The following ASTN1 variants were observed in gnomAD, a reference collection of about 807,000 sequenced individuals.
The protein encoded by ASTN1 is astrotactin-1.
In ASTN1, 41 loss-of-function variants were observed where a neutral mutation model predicts 140.7. The ratio of observed to expected loss-of-function variants is 0.29; its 90% confidence interval spans 0.23 to 0.38. The LOEUF (loss-of-function observed/expected upper bound fraction) is 0.38, where lower values mean the gene tolerates loss of function less well. Among genes scored for constraint, ASTN1 ranks in the 10% least tolerant of loss-of-function variants. The probability of loss-of-function intolerance (pLI) is 1.00; values close to 1 mark genes in which losing one functional copy is unlikely to be tolerated. For missense variants in ASTN1, 1,479 were observed against 1,678.8 expected (o/e 0.88, Z 2.08); for synonymous variants, 640 against 652.2 (o/e 0.98, Z 0.29).
intron 1 of ASTN1, among the ~76,000 whole-genome samples, chr1:177,074,519 G>C (rs112001371): frequency 2.8e-4 from 43 of 152,262 alleles, no homozygotes; most frequent in African/African-American, 1.0e-3. Context: ...GATTCCCACT[G>C]TTACCATGTC....
At chr1:177,062,602 C>A (rs2102036347) in intron 1 of ASTN1, among the ~76,000 whole-genome samples, 1 of 149,362 alleles carries the variant, frequency 6.7e-6, no homozygotes, top group South Asian at 2.1e-4. Context: ...TAACTTTGGC[C>A]AAAAAATAAT....
intron 16 of ASTN1, among the ~76,000 whole-genome samples, chr1:176,920,134 G>A (rs1670666754): frequency 6.6e-6 from 1 of 152,196 alleles, no homozygotes; most frequent in Admixed American, 6.5e-5. Context: ...TTCTAAATGA[G>A]TGGAATGGTG....
chr1:176,911,570 G>C (rs1422247594), intron 16 of ASTN1, among the ~76,000 whole-genome samples: 1 of 149,048 alleles, frequency 6.7e-6, no homozygotes, highest in Non-Finnish European at 1.5e-5. Flanking sequence ...AAACTTTTTT[G>C]TTAAAAACGA....
At chr1:177,012,997 A>G (rs1405890657) in intron 8 of ASTN1, among the ~76,000 whole-genome samples, 2 of 152,218 alleles carry the variant, frequency 1.3e-5, no homozygotes, top group Non-Finnish European at 2.9e-5. Flanking sequence ...CCCAGAAACT[A>G]TGCAAACATT....
At chr1:176,864,669 G>T in intron 22 of ASTN1, 148 bp from the exon 23 acceptor site, 1 of 1,110,406 alleles carries the variant, frequency 9.0e-7, no homozygotes, top group Non-Finnish European at 1.2e-6. Context: ...TTGGAACAGT[G>T]AGTCCTCCAA....
intron 1 of ASTN1, among the ~76,000 whole-genome samples, chr1:177,128,115 C>T (rs538997748): frequency 4.9e-4 from 75 of 152,228 alleles, no homozygotes; most frequent in African/African-American, 1.7e-3. Context: ...AGGTTATTCA[C>T]ATAATTTTCT....
chr1:176,895,353 A>ACTTTAAC (rs1669460284), intron 16 of ASTN1, among the ~76,000 whole-genome samples: 1 of 152,234 alleles, frequency 6.6e-6, no homozygotes, highest in South Asian at 2.1e-4. Context: ...TTCAAGGTCT[A>ACTTTAAC]CTTTAACCTT....
intron 9 of ASTN1, among the ~76,000 whole-genome samples, chr1:176,960,755 G>A (rs569171001): frequency 3.4e-4 from 51 of 152,062 alleles, no homozygotes; most frequent in Non-Finnish European, 6.6e-4. Flanking sequence ...TCCTAAAGTT[G>A]TCCCGATTTT....
intron 1 of ASTN1, among the ~76,000 whole-genome samples, chr1:177,131,006 C>G (rs1681912824): frequency 6.6e-6 from 1 of 152,190 alleles, no homozygotes; most frequent in Non-Finnish European, 1.5e-5. Flanking sequence ...TTTCACTCTT[C>G]AAATCCTATT....
intron 21 of ASTN1, among the ~76,000 whole-genome samples, chr1:176,873,942 C>A (rs1261578399): frequency 6.6e-6 from 1 of 152,110 alleles, no homozygotes; most frequent in Non-Finnish European, 1.5e-5. Context: ...AGCAAACTTC[C>A]CTATATGGGC....
chr1:176,887,187 G>T (rs1419277612), intron 18 of ASTN1, among the ~76,000 whole-genome samples: 1 of 152,072 alleles, frequency 6.6e-6, no homozygotes, highest in Non-Finnish European at 1.5e-5. Context: ...CCATTTCTCT[G>T]GGGTTGACTG....
intron 16 of ASTN1, among the ~76,000 whole-genome samples, chr1:176,904,603 G>C (rs1049093723): frequency 7.2e-5 from 11 of 152,166 alleles, no homozygotes; most frequent in African/African-American, 2.7e-4. Context: ...TGCCAGGAAA[G>C]AGCCTCCCGT....
chr1:177,117,477 TG>T (rs1248025464), intron 1 of ASTN1, among the ~76,000 whole-genome samples: 1 of 152,052 alleles, frequency 6.6e-6, no homozygotes, highest in Non-Finnish European at 1.5e-5. Context: ...GTTGAGCTCT[TG>T]GGGTATATAA....
intron 16 of ASTN1, among the ~76,000 whole-genome samples, chr1:176,903,749 C>G (rs1463294069): frequency 1.3e-5 from 2 of 152,148 alleles, no homozygotes; most frequent in Non-Finnish European, 2.9e-5. Flanking sequence ...TATAACAAAC[C>G]GTCAGCAATT....
At chr1:177,019,645 T>C (rs1441889957) in intron 7 of ASTN1, among the ~76,000 whole-genome samples, 3 of 152,144 alleles carry the variant, frequency 2.0e-5, no homozygotes, top group Non-Finnish European at 4.4e-5. Context: ...TAGTGCTGAG[T>C]ATATCCCATG....
At chr1:177,125,529 T>C (rs539011407) in intron 1 of ASTN1, among the ~76,000 whole-genome samples, 1 of 152,200 alleles carries the variant, frequency 6.6e-6, no homozygotes, top group Non-Finnish European at 1.5e-5. Context: ...AAAATTCTGA[T>C]GCATCCTTCA....
At position 177,070,028 on chromosome 1, in the gene ASTN1, G is replaced by A. The variant is rs142150698; in HGVS notation, c.284-8763C>T. Among the ~76,000 whole-genome samples the A allele has an allele frequency of 3.2e-3, 483 of 152,264 alleles. 2 individuals are homozygous for A. Among genetic ancestry groups the A allele is most frequent in the African/African-American group, 0.011 (459 of 41,552 alleles). ...GGCATTTAATGGAATCTGACATCAA[G>A]TAAGGTATGTAATAATATTTAAACT... On this transcript the variant is annotated intron_variant, in intron 1 of 22. Coordinates refer to ENST00000361833, the MANE Select transcript of ASTN1 (RefSeq NM_004319.3).
At chr1:177,151,299 G>A (rs1683021469) in intron 1 of ASTN1, among the ~76,000 whole-genome samples, 1 of 151,928 alleles carries the variant, frequency 6.6e-6, no homozygotes, top group Non-Finnish European at 1.5e-5. Context: ...AATTTAAGTT[G>A]AGCACATGAC....
chr1:177,086,079 T>C (rs1679450714), intron 1 of ASTN1, among the ~76,000 whole-genome samples: 1 of 152,146 alleles, frequency 6.6e-6, no homozygotes, highest in Admixed American at 6.5e-5. Flanking sequence ...AAGGAAAAAG[T>C]GCTTCAAACT....
Sources: allele counts gnomAD v4.1 joint callset (sites outside exome capture counted in the v4.1 genomes callset), GRCh38; gene constraint gnomAD v4.1.1; transcripts MANE v1.5; gene names NCBI Gene and HGNC (gene_info 2026-07-23, HGNC 2026-07-21).